The following GNAL variants were observed in gnomAD, a reference collection of about 807,000 sequenced individuals.
The protein encoded by GNAL is guanine nucleotide-binding protein G(olf) subunit alpha.
A neutral mutation model predicts 55.1 loss-of-function variants in GNAL; 18 were observed. The ratio of observed to expected loss-of-function variants is 0.33; its 90% CI spans 0.23 to 0.48. The LOEUF (loss-of-function observed/expected upper bound fraction) is 0.48, where lower values mean the gene tolerates loss of function less well. Ranked by LOEUF, GNAL falls within the 20% of genes least tolerant of loss-of-function variation. The probability of loss-of-function intolerance (pLI) is 0.99; values close to 1 mark genes in which losing one functional copy is unlikely to be tolerated. For synonymous variants in GNAL, 253 were observed against 237.0 expected (o/e 1.07, Z -0.62); for missense variants, 412 against 614.1 (o/e 0.67, Z 3.48).
chr18:11,718,262 A>C (rs1449563436), intron 1 of GNAL, among the ~76,000 whole-genome samples: 1 of 152,216 alleles, frequency 6.6e-6, no homozygotes, highest in Non-Finnish European at 1.5e-5. Flanking sequence ...TTAAATTTTT[A>C]GTGCAAATTG....
intron 4 of GNAL, among the ~76,000 whole-genome samples, chr18:11,800,121 T>C (rs1254598039): frequency 1.3e-5 from 2 of 152,176 alleles, no homozygotes; most frequent in African/African-American, 4.8e-5. Context: ...CAATGAACAA[T>C]GATGTATATT....
intron 1 of GNAL, among the ~76,000 whole-genome samples, chr18:11,710,916 T>C (rs1230315972): frequency 1.3e-5 from 2 of 152,080 alleles, no homozygotes; most frequent in Admixed American, 6.6e-5. Flanking sequence ...CGCTCTGTTA[T>C]CCAGGCTGGA....
intron 1 of GNAL, among the ~76,000 whole-genome samples, chr18:11,697,290 C>A (rs1345656359): frequency 6.6e-6 from 1 of 152,000 alleles, no homozygotes; most frequent in Admixed American, 6.5e-5. Context: ...GTAATCCCAG[C>A]GCTTTGGGAG....
At chr18:11,854,536 C>T (rs565799273) in intron 5 of GNAL, 1 of 162,738 alleles carries the variant, frequency 6.1e-6, no homozygotes, top group Admixed American at 6.5e-5. Flanking sequence ...AATCCCAGCA[C>T]TTTGGGAGGC....
At chr18:11,715,156 G>GAAAGA (rs556937158) in intron 1 of GNAL, among the ~76,000 whole-genome samples, 1,985 of 148,090 alleles carry the variant, frequency 0.013, 45 homozygotes, top group African/African-American at 0.048. Context: ...AAAAAAAAAA[G>GAAAGA]AAAGAAAAGA....
intron 5 of GNAL, chr18:11,852,031 G>C (rs1213528655): frequency 6.2e-7 from 1 of 1,613,782 alleles, no homozygotes; most frequent in Non-Finnish European, 8.5e-7. Flanking sequence ...GGGCCAGACC[G>C]GCTCCGTGGG....
rs1472310311 is a variant in GNAL at position 11,829,294 on chromosome 18, G to A, written c.722+4279G>A. ...AATTGTAACTTCTCCCGTTTAGCTCGTTTCACCCATTTTAATACATACAGG... is the reference window on the plus strand; with the variant it reads ...AATTGTAACTTCTCCCGTTTAGCTCATTTCACCCATTTTAATACATACAGG... On this transcript the variant is annotated intron_variant, in intron 5 of 11. Coordinates refer to ENST00000334049, the MANE Select transcript of GNAL (RefSeq NM_182978.4). 2.6e-5 allele frequency among the ~76,000 whole-genome samples: 4 copies of A among 152,104 alleles called. No individual in the cohort carries two copies. In the East Asian group the frequency reaches 5.8e-4, roughly 22 times the overall value.
At chr18:11,715,460 CAAAAA>C (rs34339537) in intron 1 of GNAL, among the ~76,000 whole-genome samples, 1 of 67,742 alleles carries the variant, frequency 1.5e-5, no homozygotes. Flanking sequence ...GACTCCATCT[CAAAAA>C]AAAAAAAAAA....
rs1324985683 is a variant in GNAL, at chr18:11,768,984, A to G, written c.624+15039A>G. 2.1e-5 allele frequency among the ~76,000 whole-genome samples: 2 copies of G among 97,390 alleles called. 1 individual carries two copies. Among genetic ancestry groups the G allele is most frequent in the Non-Finnish European group, 3.6e-5 (2 of 56,176 alleles). The allele number at this position is 97,390 out of a possible 152,430, so 63.9% of individuals were successfully genotyped here. A position where few individuals can be genotyped will look rare whatever the true frequency, so the allele number is the denominator to read the frequency against. The stretch of plus-strand genomic sequence containing the variant: ...ATATAATATATTATATATATTATAT[A>G]TTCTATATTATAATATAGAATATAT... On this transcript the variant is annotated intron_variant, in intron 4 of 11. Coordinates refer to ENST00000334049, the MANE Select transcript of GNAL (RefSeq NM_182978.4).
rs755540294 is a variant in GNAL at position 11,868,688 on chromosome 18, T to C, written c.1031+25T>C. On this transcript the variant is annotated intron_variant, in intron 9 of 11. Transcript: ENST00000334049. The surrounding 1 kb of genome is among the most constrained non-coding windows in gnomAD (Gnocchi z 4.0). ...GGTGACAAAAATAGCAAATTCAGTC[T>C]TACCATTGGATTGCAAATTTTCTTT... 1 of 1,590,892 alleles carries C rather than the reference T, an allele frequency of 6.3e-7. No homozygotes were observed. Among genetic ancestry groups the C allele is most frequent in the South Asian group, 1.1e-5 (1 of 88,326 alleles).
intron 4 of GNAL, among the ~76,000 whole-genome samples, chr18:11,777,592 A>G (rs2033819006): frequency 1.3e-5 from 2 of 152,212 alleles, no homozygotes; most frequent in African/African-American, 4.8e-5. Flanking sequence ...TAACAGTTAC[A>G]AATAACTTTT....
At chr18:11,852,473 A>G (rs893822386) in intron 5 of GNAL, 3 of 232,144 alleles carry the variant, frequency 1.3e-5, no homozygotes, top group East Asian at 1.0e-4. Flanking sequence ...AGTGTGATTG[A>G]TAGTATCTAG....
intron 4 of GNAL, among the ~76,000 whole-genome samples, chr18:11,779,869 A>G (rs913100864): frequency 6.6e-6 from 1 of 152,214 alleles, no homozygotes; most frequent in Non-Finnish European, 1.5e-5. Context: ...TACTACAAAA[A>G]TTTAATTGTG....
intron 1 of GNAL, among the ~76,000 whole-genome samples, chr18:11,710,418 A>G (rs2031808034): frequency 6.6e-6 from 1 of 152,172 alleles, no homozygotes; most frequent in Non-Finnish European, 1.5e-5. Flanking sequence ...TTAACTTTTA[A>G]GTTAGAATTA....
At chr18:11,872,508 A>G in intron 10 of GNAL, 110 bp downstream of exon 10, 1 of 752,520 alleles carries the variant, frequency 1.3e-6, no homozygotes, top group Non-Finnish European at 2.2e-6. Flanking sequence ...CACTTTATTT[A>G]AATCAATTTT....
At chr18:11,872,853 T>C (rs2036428329) in intron 10 of GNAL, among the ~76,000 whole-genome samples, 1 of 152,210 alleles carries the variant, frequency 6.6e-6, no homozygotes, top group Non-Finnish European at 1.5e-5. Context: ...GGTAGAGTCA[T>C]GCAGGCAAGG....
At chr18:11,746,819 G>A in intron 1 of GNAL, 1 of 495,560 alleles carries the variant, frequency 2.0e-6, no homozygotes, top group Non-Finnish European at 4.1e-6. Context: ...ATTGGTTGCT[G>A]GACGAGTGGC....
intron 5 of GNAL, among the ~76,000 whole-genome samples, chr18:11,838,761 C>T (rs1055323406): frequency 1.3e-5 from 2 of 152,114 alleles, no homozygotes; most frequent in Non-Finnish European, 2.9e-5. Context: ...TGTTCATGTA[C>T]TTACTTTGTC....
intron 1 of GNAL, among the ~76,000 whole-genome samples, chr18:11,698,337 A>C (rs1441899649): frequency 6.6e-6 from 1 of 151,994 alleles, no homozygotes; most frequent in Non-Finnish European, 1.5e-5. Context: ...CTAAAAATGC[A>C]AAAATTAACT....
Sources: gnomAD v4.1 joint callset for allele counts (sites outside exome capture counted in the v4.1 genomes callset) on GRCh38, gnomAD v4.1.1 for gene constraint, Gnocchi (gnomAD v3.1) non-coding constraint, MANE v1.5 for transcripts, NCBI Gene and HGNC (gene_info 2026-07-23, HGNC 2026-07-21) for gene names.